The following PRKCE variants were observed in gnomAD, a reference collection of about 807,000 sequenced individuals.
PRKCE encodes the protein protein kinase C epsilon.
Under a neutral mutation model 85.4 loss-of-function variants are expected in PRKCE, and 16 were observed. The observed-to-expected ratio is 0.19, with a 90% CI of 0.13 to 0.28. The LOEUF (loss-of-function observed/expected upper bound fraction) is 0.28, where lower values mean the gene tolerates loss of function less well. PRKCE is among the 10% of genes least tolerant of loss of function. The pLI, the probability that PRKCE is intolerant of heterozygous loss-of-function variation, is 1.00. For missense variants in PRKCE, 573 were observed against 975.2 expected (o/e 0.59, Z 5.49); for synonymous variants, 388 against 371.5 (o/e 1.04, Z -0.51).
intron 1 of PRKCE, among the ~76,000 whole-genome samples, chr2:45,798,350 C>G (rs1687598397): frequency 2.0e-5 from 3 of 152,192 alleles, no homozygotes; most frequent in Admixed American, 2.0e-4. Context: ...AGTAGCAGAG[C>G]TGTGGTTTGG....
At chr2:46,069,809 G>A (rs1667921098) in intron 10 of PRKCE, among the ~76,000 whole-genome samples, 1 of 152,198 alleles carries the variant, frequency 6.6e-6, no homozygotes, top group Admixed American at 6.5e-5. Context: ...TGTTAGGATT[G>A]CTATTCCTGC....
intron 1 of PRKCE, among the ~76,000 whole-genome samples, chr2:45,752,878 C>T (rs1683697190): frequency 6.6e-6 from 1 of 152,092 alleles, no homozygotes; most frequent in Non-Finnish European, 1.5e-5. Context: ...TTTTTTACGA[C>T]CCATTTTAAT....
intron 2 of PRKCE, among the ~76,000 whole-genome samples, chr2:45,855,556 C>G (rs1450126420): frequency 6.6e-6 from 1 of 152,174 alleles, no homozygotes; most frequent in Non-Finnish European, 1.5e-5. Context: ...TTTGTTAAAA[C>G]ACAGTGCATC....
chr2:45,736,210 C>A (rs1204503383), intron 1 of PRKCE, among the ~76,000 whole-genome samples: 1 of 152,186 alleles, frequency 6.6e-6, no homozygotes, highest in Non-Finnish European at 1.5e-5. Flanking sequence ...ATCTACCCAC[C>A]TCTGCCTCCC....
At chr2:46,127,728 G>A (rs1674001452) in intron 11 of PRKCE, among the ~76,000 whole-genome samples, 1 of 152,234 alleles carries the variant, frequency 6.6e-6, no homozygotes, top group Non-Finnish European at 1.5e-5. Context: ...CCTGGAACTT[G>A]GGAGTTTGGT....
At chr2:46,010,663 G>C (rs1439589258) in intron 10 of PRKCE, 146 bp downstream of exon 10, 1 of 1,598,952 alleles carries the variant, frequency 6.3e-7, no homozygotes, top group Admixed American at 1.7e-5. Context: ...GGATGTATTT[G>C]AACAGCATCT....
chr2:46,033,478 C>A (rs957143472), intron 10 of PRKCE, among the ~76,000 whole-genome samples: 1 of 152,176 alleles, frequency 6.6e-6, no homozygotes, highest in Non-Finnish European at 1.5e-5. Context: ...GGTTAATTGG[C>A]AAATTGTAGG....
At chr2:45,977,301 C>T in intron 3 of PRKCE, among the ~76,000 whole-genome samples, 1 of 152,100 alleles carries the variant, frequency 6.6e-6, no homozygotes, top group East Asian at 1.9e-4. Flanking sequence ...GAATTATTTA[C>T]AAGTGAAATT....
chr2:45,894,819 T>C (rs1696009473), intron 2 of PRKCE, among the ~76,000 whole-genome samples: 1 of 152,056 alleles, frequency 6.6e-6, no homozygotes, highest in Non-Finnish European at 1.5e-5. Context: ...GCCTCCTGGG[T>C]TCAAGCAATT....
chr2:46,059,958 C>G (rs1666947732), intron 10 of PRKCE, among the ~76,000 whole-genome samples: 1 of 152,324 alleles, frequency 6.6e-6, no homozygotes, highest in South Asian at 2.1e-4. Flanking sequence ...TCCAGGAGCA[C>G]TTCTTACTAC....
intron 1 of PRKCE, among the ~76,000 whole-genome samples, chr2:45,734,428 A>C (rs1681866783): frequency 6.6e-6 from 1 of 152,118 alleles, no homozygotes; most frequent in South Asian, 2.1e-4. Context: ...GCCTGATTTT[A>C]CGTAATGCTT....
At chr2:45,997,802 C>A (rs1407604350) in intron 6 of PRKCE, among the ~76,000 whole-genome samples, 1 of 152,212 alleles carries the variant, frequency 6.6e-6, no homozygotes. Context: ...CTGCCTTGGC[C>A]TCCCAAAGTG....
intron 1 of PRKCE, among the ~76,000 whole-genome samples, chr2:45,712,358 T>C (rs1679736523): frequency 6.6e-6 from 1 of 151,952 alleles, no homozygotes; most frequent in South Asian, 2.1e-4. Flanking sequence ...GTTCCCCATA[T>C]TGGCCAGGCT....
chr2:46,134,115 C>T (rs953758765), intron 11 of PRKCE, among the ~76,000 whole-genome samples: 35 of 152,192 alleles, frequency 2.3e-4, no homozygotes, highest in African/African-American at 7.0e-4. Context: ...TCATTCCATA[C>T]ATTATCTGGA....
chr2:45,875,412 T>G (rs753209363), intron 2 of PRKCE, among the ~76,000 whole-genome samples: 1 of 152,238 alleles, frequency 6.6e-6, no homozygotes, highest in Non-Finnish European at 1.5e-5. Context: ...GGACCTGTTC[T>G]GGTGTCACAT....
chr2:45,810,448 A>G (rs928578566), intron 1 of PRKCE, among the ~76,000 whole-genome samples: 1 of 152,224 alleles, frequency 6.6e-6, no homozygotes, highest in Non-Finnish European at 1.5e-5. Context: ...AACCAGTAAG[A>G]TGTTATAGCT....
At chr2:45,995,341 A>T (rs1457000236) in intron 6 of PRKCE, among the ~76,000 whole-genome samples, 1 of 151,916 alleles carries the variant, frequency 6.6e-6, no homozygotes, top group Non-Finnish European at 1.5e-5. Context: ...AAAGTTTTTT[A>T]TTTTAATGAA....
chr2:45,972,077 A>G (rs1702147165), intron 2 of PRKCE, among the ~76,000 whole-genome samples: 1 of 152,206 alleles, frequency 6.6e-6, no homozygotes, highest in African/African-American at 2.4e-5. Flanking sequence ...TTACATTCCC[A>G]TGAACAGTGA....
chr2:46,158,444 A>T lies in PRKCE; in HGVS notation c.1921-1162A>T, dbSNP rs149599534. Among the ~76,000 whole-genome samples, 192 of 152,250 alleles carry T rather than the reference A, an allele frequency of 1.3e-3. 2 individuals are homozygous for T. The highest frequency in any genetic ancestry group is 4.3e-3 in the African/African-American group (180 of 41,550). On this transcript the variant is annotated intron_variant, in intron 13 of 14. Coordinates refer to ENST00000306156, the MANE Select transcript of PRKCE (RefSeq NM_005400.3). The stretch of plus-strand genomic sequence containing the variant: ...TGGGGGTCACCTTGCTGACTTGTAG[A>T]TGAGAAAGATGAGGTGCACTGGTAC...
Sources: gnomAD v4.1 joint callset for allele counts (sites outside exome capture counted in the v4.1 genomes callset) on GRCh38, gnomAD v4.1.1 for gene constraint, MANE v1.5 for transcripts, NCBI Gene and HGNC (gene_info 2026-07-23, HGNC 2026-07-21) for gene names.